KIF1C: variants seen among roughly 807,000 people sequenced by gnomAD.
The protein encoded by KIF1C is kinesin family member 1C.
A neutral mutation model predicts 126.5 loss-of-function variants in KIF1C; 61 were observed. The observed-to-expected ratio is 0.48, with a 90% CI of 0.39 to 0.60. The LOEUF (loss-of-function observed/expected upper bound fraction) is 0.60. KIF1C is among the 20% of genes least tolerant of loss of function. KIF1C has a pLI of 0.00. For synonymous variants in KIF1C, 640 were observed against 580.6 expected (o/e 1.10, Z -1.47); for missense variants, 1,315 against 1,489.2 (o/e 0.88, Z 1.93).
At chr17:5,017,044 G>T (rs1338873879) in intron 18 of KIF1C, among the ~76,000 whole-genome samples, 1 of 152,116 alleles carries the variant, frequency 6.6e-6, no homozygotes, top group Non-Finnish European at 1.5e-5. Flanking sequence ...TGTTGAATCA[G>T]TTCAGCCCAG....
chr17:5,020,101 G>A lies in KIF1C; in HGVS notation c.1750+22G>A. On this transcript the variant is annotated intron_variant, in intron 19 of 22. Transcript: ENST00000320785. The surrounding 1 kb of genome is among the most constrained non-coding windows in gnomAD (Gnocchi z 5.8). Reference sequence around the variant, plus strand: ...TCAGGTAGAAGATGTGTCGCAGATTGAGGGTTCTGGGGCGTGGCTGTGTGT... The same window carrying A: ...TCAGGTAGAAGATGTGTCGCAGATTAAGGGTTCTGGGGCGTGGCTGTGTGT... 1 of 1,557,958 alleles carries A rather than the reference G, an allele frequency of 6.4e-7. No individual in the cohort carries two copies. The highest frequency in any genetic ancestry group is 8.7e-7 in the Non-Finnish European group (1 of 1,147,042).
rs193222745 is a variant in KIF1C, at chr17:5,026,264, G to T, written c.*2113G>T. The stretch of plus-strand genomic sequence containing the variant: ...GTTTGCTTGAGCAGTTTAAAATCTG[G>T]CCAGGGAGACTCAATGTGAGCAAGA... On this transcript the variant is annotated 3_prime_UTR_variant, in exon 23 of 23. Coordinates refer to ENST00000320785, the MANE Select transcript of KIF1C (RefSeq NM_006612.6). The T allele has an allele frequency of 7.2e-5, 11 of 152,260 alleles. No homozygotes were observed. Among genetic ancestry groups the T allele is most frequent in the Non-Finnish European group, 1.6e-4 (11 of 68,034 alleles). The allele number at this position is 152,260 out of a possible 1,614,324, so 9.4% of individuals were successfully genotyped here. A position where few individuals can be genotyped will look rare whatever the true frequency, so the allele number is the denominator to read the frequency against.
chr17:5,012,974 GC>G (rs1334854540), intron 16 of KIF1C, among the ~76,000 whole-genome samples: 3 of 152,290 alleles, frequency 2.0e-5, no homozygotes, highest in African/African-American at 7.2e-5. Flanking sequence ...GGCAGGGACA[GC>G]CCCAGGCGGG....
intron 3 of KIF1C, 50 bp downstream of exon 3, chr17:5,000,402 C>G (rs1974552778): frequency 2.4e-6 from 3 of 1,274,480 alleles, no homozygotes; most frequent in Non-Finnish European, 3.3e-6. Flanking sequence ...AAGGCCGGGC[C>G]CACCACACAG....
At chr17:5,016,505 C>T (rs3786045) in intron 18 of KIF1C, among the ~76,000 whole-genome samples, 2,187 of 151,020 alleles carry the variant, frequency 0.014, 41 homozygotes, top group East Asian at 0.053. Flanking sequence ...CCTGCCTCGG[C>T]CTCCCAAAGT....
At chr17:5,004,780 GA>G in intron 12 of KIF1C, 74 bp from the exon 13 acceptor site, 2 of 1,605,234 alleles carry the variant, frequency 1.2e-6, no homozygotes, top group Admixed American at 1.7e-5. Context: ...AGACCTGGGA[GA>G]GGGGGAAGGA....
At chr17:5,006,883 G>C in intron 13 of KIF1C, 32 bp from the exon 14 acceptor site, 1 of 1,609,770 alleles carries the variant, frequency 6.2e-7, no homozygotes, top group Non-Finnish European at 8.5e-7. Context: ...TCTTTCCTTA[G>C]CCTCATTCTT....
intron 13 of KIF1C, 86 bp downstream of exon 13, chr17:5,005,086 A>G (rs1342704379): frequency 2.6e-6 from 4 of 1,549,128 alleles, no homozygotes; most frequent in Admixed American, 1.7e-5. Flanking sequence ...TCCTGGAGCC[A>G]GGGAGGGACC....
chr17:5,003,037 T>C (rs1974640408), intron 8 of KIF1C, among the ~76,000 whole-genome samples, 195 bp downstream of exon 8: 2 of 147,762 alleles, frequency 1.4e-5, no homozygotes, highest in Admixed American at 1.3e-4. Context: ...TGTTTGCTTG[T>C]CTTTTTTTTT....
chr17:5,008,206 G>A (rs1974778433), intron 16 of KIF1C, among the ~76,000 whole-genome samples: 1 of 152,152 alleles, frequency 6.6e-6, no homozygotes, highest in African/African-American at 2.4e-5. Flanking sequence ...GAAGGAAGGA[G>A]CAGGGCGGGA....
intron 1 of KIF1C, among the ~76,000 whole-genome samples, chr17:4,999,618 C>T (rs1974521338): frequency 1.3e-5 from 2 of 152,112 alleles, no homozygotes; most frequent in Admixed American, 1.3e-4. Context: ...CTCTGTCCAG[C>T]CTCTTTCTCT....
intron 13 of KIF1C, 135 bp downstream of exon 13, chr17:5,005,135 C>A: frequency 9.1e-7 from 1 of 1,099,252 alleles, no homozygotes; most frequent in Non-Finnish European, 1.3e-6. Context: ...GTGACGTGGA[C>A]ACAGATGTGG....
intron 21 of KIF1C, 119 bp from the exon 22 acceptor site, chr17:5,021,973 G>T: frequency 8.7e-7 from 1 of 1,145,468 alleles, no homozygotes; most frequent in Non-Finnish European, 1.2e-6. Context: ...GGTGGAGCAG[G>T]ACTTGAACCC....
chr17:5,007,624 C>A, intron 16 of KIF1C, 82 bp downstream of exon 16: 1 of 1,198,238 alleles, frequency 8.3e-7, no homozygotes, highest in Non-Finnish European at 1.2e-6. Flanking sequence ...GTAGTGAGTG[C>A]TGTCCCTGAT....
intron 18 of KIF1C, among the ~76,000 whole-genome samples, chr17:5,018,245 T>C (rs1975019082): frequency 6.6e-6 from 1 of 152,024 alleles, no homozygotes; most frequent in Non-Finnish European, 1.5e-5. Context: ...CCTCCCAAAG[T>C]GCTGGGATTA....
At chr17:5,008,196 G>A (rs1974778091) in intron 16 of KIF1C, among the ~76,000 whole-genome samples, 1 of 152,222 alleles carries the variant, frequency 6.6e-6, no homozygotes, top group Admixed American at 6.5e-5. Context: ...TTGCTGAAAG[G>A]AAGGAAGGAG....
rs547125935 is a variant in KIF1C, at chr17:5,005,082, A to G, written c.1165+82A>G. 2.5e-5 allele frequency: 39 copies of G among 1,567,406 alleles called. No homozygotes were observed. The African/African-American group carries it at 3.6e-4, about 15-fold the overall frequency. On this transcript the variant is annotated intron_variant, in intron 13 of 22. Coordinates refer to ENST00000320785, the MANE Select transcript of KIF1C (RefSeq NM_006612.6). ...CTCACTTGCCTTTGCCCAGTCCTGG[A>G]GCCAGGGAGGGACCACACACTATGA...
intron 16 of KIF1C, among the ~76,000 whole-genome samples, chr17:5,007,969 TAGATG>T (rs1459143711): frequency 2.0e-5 from 3 of 152,288 alleles, no homozygotes; most frequent in Admixed American, 2.0e-4. Context: ...GGGTTGGTTA[TAGATG>T]GAGGCACCCG....
intron 5 of KIF1C, 102 bp downstream of exon 5, chr17:5,001,503 C>T: frequency 2.6e-6 from 3 of 1,175,226 alleles, no homozygotes; most frequent in Non-Finnish European, 3.6e-6. Context: ...AGAGACCTGG[C>T]TCTGAGGCCA....
Sources: gnomAD v4.1 joint callset for allele counts (sites outside exome capture counted in the v4.1 genomes callset) on GRCh38, gnomAD v4.1.1 for gene constraint, Gnocchi (gnomAD v3.1) non-coding constraint, MANE v1.5 for transcripts, NCBI Gene and HGNC (gene_info 2026-07-23, HGNC 2026-07-21) for gene names.